CGNL1: variants seen among roughly 807,000 people sequenced by gnomAD.
The protein encoded by CGNL1 is cingulin-like protein 1.
Under a neutral mutation model 141.2 loss-of-function variants are expected in CGNL1, and 132 were observed. That is an observed-to-expected ratio of 0.93 (90% CI 0.81 to 1.08). The LOEUF is 1.08. Ranked by LOEUF, CGNL1 falls within the 50% of genes least tolerant of loss-of-function variation. The pLI is 0.00. For missense variants in CGNL1, 1,870 were observed against 1,588.6 expected (o/e 1.18, Z -3.01); for synonymous variants, 690 against 622.1 (o/e 1.11, Z -1.63).
chr15:57,492,419 G>C (rs113637550), intron 8 of CGNL1, among the ~76,000 whole-genome samples: 2 of 152,188 alleles, frequency 1.3e-5, no homozygotes, highest in African/African-American at 4.8e-5. Context: ...AGGAAACTTT[G>C]TGAGCAATAG....
intron 1 of CGNL1, among the ~76,000 whole-genome samples, chr15:57,390,077 A>G (rs1199405989): frequency 6.6e-6 from 1 of 152,166 alleles, no homozygotes; most frequent in Non-Finnish European, 1.5e-5. Context: ...TGGCCTTCCA[A>G]AGTGCTGGGA....
At chr15:57,531,919 AC>A (rs1264875315) in intron 14 of CGNL1, 140 bp downstream of exon 14, 1 of 601,720 alleles carries the variant, frequency 1.7e-6, no homozygotes, top group Non-Finnish European at 3.0e-6. Context: ...AATAGTCATC[AC>A]CATAGTGAGC....
At chr15:57,495,722 A>C (rs1292120108) in intron 8 of CGNL1, among the ~76,000 whole-genome samples, 1 of 152,206 alleles carries the variant, frequency 6.6e-6, no homozygotes, top group Non-Finnish European at 1.5e-5. Context: ...ATGAATCCAC[A>C]TTGTCTTGGG....
chr15:57,493,885 A>G (rs1567152046), intron 8 of CGNL1, among the ~76,000 whole-genome samples: 1 of 152,264 alleles, frequency 6.6e-6, no homozygotes, highest in Non-Finnish European at 1.5e-5. Context: ...AATTGTATAT[A>G]TGACATTGGT....
intron 8 of CGNL1, among the ~76,000 whole-genome samples, chr15:57,489,335 T>G (rs2063826965): frequency 6.6e-6 from 1 of 152,204 alleles, no homozygotes. Context: ...ATAAATTGAG[T>G]GATGTCATAT....
At chr15:57,417,171 A>G (rs1460491002) in intron 1 of CGNL1, among the ~76,000 whole-genome samples, 2 of 152,236 alleles carry the variant, frequency 1.3e-5, no homozygotes, top group African/African-American at 4.8e-5. Context: ...CTGCACTATT[A>G]CGTATCTAGT....
In CGNL1 at chr15:57,521,922, T is replaced by A. The variant is rs137951893; in HGVS notation, c.2716-1567T>A. 3.9e-3 allele frequency among the ~76,000 whole-genome samples: 600 copies of A among 152,280 alleles called. 3 individuals are homozygous for A. Among genetic ancestry groups the A allele is most frequent in the African/African-American group, 0.014 (585 of 41,552 alleles). On this transcript the variant is annotated intron_variant, in intron 10 of 18. Coordinates refer to ENST00000281282, the MANE Select transcript of CGNL1 (RefSeq NM_032866.5). ...GCCATTGGGGGCCCTCTGTATTTGT[T>A]GTTTTCACAGATTGACGTTTTTTGG...
Position 57,524,626 on chromosome 15 carries a change from CAGA to C in CGNL1, c.2916_2918del (p.Gln972_Asn973delinsHis). 1 of 1,614,036 alleles carries C rather than the reference CAGA, an allele frequency of 6.2e-7. No individual in the cohort carries two copies. Among genetic ancestry groups the C allele is most frequent in the Non-Finnish European group, 8.5e-7 (1 of 1,179,944 alleles). On this transcript the variant is annotated inframe_deletion, in exon 12 of 19. Coordinates refer to ENST00000281282, the MANE Select transcript of CGNL1 (RefSeq NM_032866.5). ...CTCCCGTACCTCAACCCTGGAGCTC[CAGA>C]ACCAGCTGGATGAGTATAAGGAGAA...
chr15:57,391,973 T>TCCC lies in CGNL1; in HGVS notation c.-16+15412_-16+15414dup, dbSNP rs5812892. 1.1e-4 allele frequency among the ~76,000 whole-genome samples: 16 copies of TCCC among 149,674 alleles called. No individual in the cohort carries two copies. The East Asian group carries it at 1.4e-3, about 13-fold the overall frequency. On this transcript the variant is annotated intron_variant, in intron 1 of 18. Transcript: ENST00000281282. Reference sequence around the variant, plus strand: ...AAATAAACACCTTCACATTTTTCTTTCCCCCCCCTCACCTGACACCATCAC... The same window carrying TCCC: ...AAATAAACACCTTCACATTTTTCTTTCCCCCCCCCCCTCACCTGACACCATCAC...
chr15:57,420,490 C>CA (rs1385396764), intron 1 of CGNL1, among the ~76,000 whole-genome samples: 1 of 152,218 alleles, frequency 6.6e-6, no homozygotes, highest in African/African-American at 2.4e-5. Context: ...CTCACTCCAG[C>CA]AGTAAGCAGA....
intron 12 of CGNL1, chr15:57,527,428 C>A (rs116771624): frequency 2.6e-4 from 40 of 152,338 alleles, no homozygotes; most frequent in African/African-American, 8.9e-4. Flanking sequence ...GAAACAGACC[C>A]CCTGGTGTAT....
chr15:57,403,621 C>G (rs1461657268), intron 1 of CGNL1, among the ~76,000 whole-genome samples: 1 of 152,164 alleles, frequency 6.6e-6, no homozygotes, highest in African/African-American at 2.4e-5. Context: ...CATGGCAGAC[C>G]TCAGTGGCTG....
At chr15:57,464,287 G>C (rs2063482346) in intron 8 of CGNL1, among the ~76,000 whole-genome samples, 1 of 152,122 alleles carries the variant, frequency 6.6e-6, no homozygotes, top group South Asian at 2.1e-4. Context: ...CTGGGCCCAT[G>C]TTGCTAGATC....
intron 2 of CGNL1, 107 bp downstream of exon 2, chr15:57,439,708 G>T (rs2063161185): frequency 5.4e-6 from 6 of 1,103,956 alleles, no homozygotes; most frequent in Non-Finnish European, 6.5e-6. Context: ...CCTCAATCTT[G>T]TATCAGGAAT....
At chr15:57,518,644 C>CCGT in intron 10 of CGNL1, 147 bp downstream of exon 10, 1 of 627,026 alleles carries the variant, frequency 1.6e-6, no homozygotes, top group East Asian at 2.8e-5. Context: ...TTTGAACTAT[C>CCGT]CGTCTAGACC....
At chr15:57,510,699 C>T (rs1483958203) in intron 8 of CGNL1, among the ~76,000 whole-genome samples, 2 of 152,168 alleles carry the variant, frequency 1.3e-5, no homozygotes, top group African/African-American at 2.4e-5. Flanking sequence ...TCTTCGCAGT[C>T]CCTTGGATGT....
chr15:57,439,645 C>A, intron 2 of CGNL1, 44 bp downstream of exon 2: 1 of 1,567,488 alleles, frequency 6.4e-7, no homozygotes, highest in Non-Finnish European at 8.7e-7. Flanking sequence ...TCTCTTCCTT[C>A]TAAATAATGT....
Position 57,548,755 on chromosome 15 carries a change from G to A in CGNL1, c.*1265G>A, listed in dbSNP as rs2032990758. On this transcript the variant is annotated 3_prime_UTR_variant, in exon 19 of 19. Coordinates refer to ENST00000281282, the MANE Select transcript of CGNL1 (RefSeq NM_032866.5). ...GCTTTTGGGATCGGGGGAATAAGAG[G>A]GTATGGGGGAAAGGTTCATAGACTT... 1 of 152,152 alleles carries A rather than the reference G, an allele frequency of 6.6e-6. No individual in the cohort carries two copies. The highest frequency in any genetic ancestry group is 6.6e-5 in the Admixed American group (1 of 15,248). 9.4% of individuals were successfully genotyped at this position (152,152 alleles called of 1,614,324 possible). A position where few individuals can be genotyped will look rare whatever the true frequency, so the allele number is the denominator to read the frequency against.
intron 1 of CGNL1, among the ~76,000 whole-genome samples, chr15:57,399,778 G>A (rs1342859409): frequency 6.6e-6 from 1 of 152,066 alleles, no homozygotes; most frequent in Non-Finnish European, 1.5e-5. Context: ...GGAGCCTCCA[G>A]CACTGAGGCT....
Sources: allele counts gnomAD v4.1 joint callset (sites outside exome capture counted in the v4.1 genomes callset), GRCh38; gene constraint gnomAD v4.1.1; transcripts MANE v1.5; gene names NCBI Gene and HGNC (gene_info 2026-07-23, HGNC 2026-07-21).